Variants in PRKCH observed in about 807,000 individuals in gnomAD.
PRKCH encodes the protein protein kinase C eta type.
Under a neutral mutation model 82.5 loss-of-function variants are expected in PRKCH, and 28 were observed. The observed-to-expected ratio is 0.34, with a 90% CI of 0.25 to 0.47. The LOEUF (loss-of-function observed/expected upper bound fraction) is 0.47. Ranked by LOEUF, PRKCH falls within the 20% of genes least tolerant of loss-of-function variation. The pLI, the probability that PRKCH is intolerant of heterozygous loss-of-function variation, is 1.00. For synonymous variants in PRKCH, 322 were observed against 327.4 expected (o/e 0.98, Z 0.18); for missense variants, 705 against 881.8 (o/e 0.80, Z 2.54).
chr14:61,391,501 C>T (rs181325270), intron 2 of PRKCH, among the ~76,000 whole-genome samples: 2 of 152,302 alleles, frequency 1.3e-5, no homozygotes, highest in South Asian at 2.1e-4. Context: ...GGCAATCTCA[C>T]GTTTCATTTA....
At chr14:61,417,632 AT>A (rs1420674715) in intron 2 of PRKCH, among the ~76,000 whole-genome samples, 1 of 152,150 alleles carries the variant, frequency 6.6e-6, no homozygotes, top group South Asian at 2.1e-4. Context: ...CTTATTTTTC[AT>A]TCGGAGACAG....
chr14:61,384,221 T>C (rs1326047372), intron 1 of PRKCH, among the ~76,000 whole-genome samples: 1 of 152,150 alleles, frequency 6.6e-6, no homozygotes, highest in Non-Finnish European at 1.5e-5. Context: ...TTCTAGTGAT[T>C]CAGTGATGAC....
intron 9 of PRKCH, among the ~76,000 whole-genome samples, chr14:61,469,450 A>G (rs1316597265): frequency 1.3e-5 from 2 of 152,202 alleles, no homozygotes; most frequent in African/African-American, 2.4e-5. Context: ...ACTAAAGCCA[A>G]CTGATTGCTT....
chr14:61,394,213 A>G (rs897877307), intron 2 of PRKCH, among the ~76,000 whole-genome samples: 2 of 152,106 alleles, frequency 1.3e-5, no homozygotes, highest in African/African-American at 4.8e-5. Context: ...GCATTATTAA[A>G]TCTTGTCTTT....
chr14:61,197,376 G>A (rs118011236), intron 1 of PRKCH, among the ~76,000 whole-genome samples: 292 of 152,226 alleles, frequency 1.9e-3, no homozygotes, highest in Non-Finnish European at 3.1e-3. Flanking sequence ...GTCCCATAGG[G>A]CTTAGCCCAG....
intron 2 of PRKCH, among the ~76,000 whole-genome samples, chr14:61,415,816 A>G (rs375160524): frequency 3.9e-5 from 6 of 152,282 alleles, no homozygotes; most frequent in Admixed American, 2.6e-4. Context: ...CTGAAATTCT[A>G]TACCCATTGA....
chr14:61,371,707 TTA>T (rs111329117), intron 1 of PRKCH, among the ~76,000 whole-genome samples: 14,145 of 152,008 alleles, frequency 0.093, 802 homozygotes, highest in Non-Finnish European at 0.098. Flanking sequence ...ATGGCTAAAA[TTA>T]TGTTTGTCAG....
intron 1 of PRKCH, among the ~76,000 whole-genome samples, chr14:61,308,043 T>C (rs2045495700): frequency 6.6e-6 from 1 of 152,206 alleles, no homozygotes; most frequent in African/African-American, 2.4e-5. Flanking sequence ...TCTCACTATG[T>C]TGCCCAGGCT....
intron 2 of PRKCH, among the ~76,000 whole-genome samples, chr14:61,427,568 TG>T (rs1883174482): frequency 6.6e-6 from 1 of 152,202 alleles, no homozygotes; most frequent in Admixed American, 6.5e-5. Flanking sequence ...TAAAATATTT[TG>T]ATTTTCTTCT....
chr14:61,354,076 A>C (rs576183090), intron 1 of PRKCH: 3 of 152,302 alleles, frequency 2.0e-5, no homozygotes, highest in Admixed American at 6.5e-5. Context: ...GCAATTCCTA[A>C]GGGGACCAAA....
intron 1 of PRKCH, among the ~76,000 whole-genome samples, chr14:61,215,795 C>A (rs2044611973): frequency 6.6e-6 from 1 of 152,138 alleles, no homozygotes; most frequent in African/African-American, 2.4e-5. Context: ...AAAGCGTTGG[C>A]AGATATTTAG....
At chr14:61,294,647 C>A (rs776414598) in intron 1 of PRKCH, among the ~76,000 whole-genome samples, 1 of 151,752 alleles carries the variant, frequency 6.6e-6, no homozygotes, top group African/African-American at 2.4e-5. Context: ...TGTTGCAGAC[C>A]TATTTACTGT....
At chr14:61,524,272 A>G (rs933741728) in intron 10 of PRKCH, among the ~76,000 whole-genome samples, 3 of 152,202 alleles carry the variant, frequency 2.0e-5, no homozygotes, top group Non-Finnish European at 4.4e-5. Flanking sequence ...TTCTCTCTGA[A>G]ACTACTGTGG....
intron 2 of PRKCH, among the ~76,000 whole-genome samples, chr14:61,396,583 T>C (rs2046786945): frequency 6.6e-6 from 1 of 152,208 alleles, no homozygotes; most frequent in Non-Finnish European, 1.5e-5. Context: ...GTGCATAGTG[T>C]TGGCACATGG....
At chr14:61,188,763 A>G (rs980814220) in intron 1 of PRKCH, among the ~76,000 whole-genome samples, 2 of 135,446 alleles carry the variant, frequency 1.5e-5, no homozygotes, top group African/African-American at 2.7e-5. Flanking sequence ...CTTGTTGCCC[A>G]GGCTGGAGTG....
intron 10 of PRKCH, among the ~76,000 whole-genome samples, chr14:61,518,284 C>G (rs902364597): frequency 1.3e-5 from 2 of 152,104 alleles, no homozygotes; most frequent in Non-Finnish European, 2.9e-5. Context: ...GGTATCATGT[C>G]TGAGCATTTT....
At chr14:61,370,762 A>G (rs909286961) in intron 1 of PRKCH, among the ~76,000 whole-genome samples, 5 of 152,032 alleles carry the variant, frequency 3.3e-5, no homozygotes, top group African/African-American at 1.2e-4. Flanking sequence ...AGTTGAAGAG[A>G]AGATACTTTA....
At chr14:61,373,025 G>A (rs2140175469) in intron 1 of PRKCH, among the ~76,000 whole-genome samples, 1 of 152,092 alleles carries the variant, frequency 6.6e-6, no homozygotes, top group Non-Finnish European at 1.5e-5. Context: ...GAGTCCTTCA[G>A]TTGCATCTGA....
At chr14:61,357,630 A>G (rs1035494346) in intron 1 of PRKCH, among the ~76,000 whole-genome samples, 8 of 152,124 alleles carry the variant, frequency 5.3e-5, no homozygotes, top group African/African-American at 1.9e-4. Flanking sequence ...CCTATTTGTC[A>G]ACTCCAGTGG....
Sources: gnomAD v4.1 joint callset for allele counts (sites outside exome capture counted in the v4.1 genomes callset) on GRCh38, gnomAD v4.1.1 for gene constraint, MANE v1.5 for transcripts, NCBI Gene and HGNC (gene_info 2026-07-23, HGNC 2026-07-21) for gene names.